Variants in DGKE observed in about 807,000 individuals in gnomAD.
The protein encoded by DGKE is diacylglycerol kinase epsilon.
A neutral mutation model predicts 70.0 loss-of-function variants in DGKE; 53 were observed. That is an observed-to-expected ratio of 0.76 (90% CI 0.61 to 0.95). The LOEUF is 0.95. Ranked by LOEUF, DGKE falls within the 40% of genes least tolerant of loss-of-function variation. The pLI, the probability that DGKE is intolerant of heterozygous loss-of-function variation, is 0.00. For missense variants in DGKE, 655 were observed against 706.9 expected (o/e 0.93, Z 0.83); for synonymous variants, 291 against 257.0 (o/e 1.13, Z -1.27).
intron 2 of DGKE, among the ~76,000 whole-genome samples, chr17:56,839,754 C>T (rs922916234): frequency 6.6e-6 from 1 of 152,160 alleles, no homozygotes; most frequent in African/African-American, 2.4e-5. Context: ...TTCCTGGGCT[C>T]AAGCAATCCT....
intron 9 of DGKE, among the ~76,000 whole-genome samples, chr17:56,860,096 T>G (rs992960490): frequency 2.0e-5 from 3 of 152,154 alleles, no homozygotes; most frequent in African/African-American, 7.2e-5. Flanking sequence ...TCTGACATTT[T>G]ATTTATATAA....
At chr17:56,845,367 T>C (rs1359302415) in intron 3 of DGKE, among the ~76,000 whole-genome samples, 1 of 152,172 alleles carries the variant, frequency 6.6e-6, no homozygotes. Context: ...TCAACTCAGT[T>C]TAAGTCCAAA....
chr17:56,862,493 T>A (rs554325705), intron 11 of DGKE, 119 bp from the exon 12 acceptor site: 87 of 984,704 alleles, frequency 8.8e-5, no homozygotes, highest in Non-Finnish European at 1.2e-4. Context: ...ATATTCAGAT[T>A]AATATTTTCT....
At chr17:56,857,437 T>A (rs893918530) in intron 8 of DGKE, among the ~76,000 whole-genome samples, 1 of 152,238 alleles carries the variant, frequency 6.6e-6, no homozygotes, top group African/African-American at 2.4e-5. Context: ...GGAATTTTTT[T>A]AATAACGTTC....
intron 4 of DGKE, 154 bp downstream of exon 4, chr17:56,845,963 T>C: frequency 1.4e-6 from 1 of 709,012 alleles, no homozygotes; most frequent in Non-Finnish European, 2.1e-6. Flanking sequence ...ACAGGCACTC[T>C]TGTGGGAATA....
At chr17:56,862,445 C>T in intron 11 of DGKE, 167 bp from the exon 12 acceptor site, 1 of 881,168 alleles carries the variant, frequency 1.1e-6, no homozygotes, top group Non-Finnish European at 1.7e-6. Flanking sequence ...ATAAAACGTT[C>T]ACTTGAAAAA....
chr17:56,853,649 A>G (rs1283246286), intron 7 of DGKE, among the ~76,000 whole-genome samples: 1 of 152,156 alleles, frequency 6.6e-6, no homozygotes, highest in Non-Finnish European at 1.5e-5. Context: ...ATCCTATTTC[A>G]TTGGTGAGTA....
chr17:56,853,572 T>TTA (rs1907773294), intron 7 of DGKE, among the ~76,000 whole-genome samples: 2 of 152,242 alleles, frequency 1.3e-5, no homozygotes, highest in Admixed American at 6.5e-5. Flanking sequence ...TTCCCTATTG[T>TTA]ATGTTCTTGG....
chr17:56,835,454 C>T, intron 2 of DGKE, 195 bp downstream of exon 2: 1 of 611,570 alleles, frequency 1.6e-6, no homozygotes, highest in Non-Finnish European at 2.8e-6. Flanking sequence ...ACGATGCATC[C>T]AGCCTCCACT....
In DGKE at chr17:56,858,829, C is replaced by G. The variant is rs1442357462; in HGVS notation, c.1284+164C>G. Among the ~76,000 whole-genome samples, 6 of 152,290 alleles carry G rather than the reference C, an allele frequency of 3.9e-5. No homozygotes were observed. In the East Asian group the frequency reaches 1.2e-3, roughly 29 times the overall value. ...GCTACATGCTTTATACACATTGTCC[C>G]TCTAAATTCTCTCCACAATTCTATA... On this transcript the variant is annotated intron_variant, in intron 9 of 11. Coordinates refer to ENST00000284061, the MANE Select transcript of DGKE (RefSeq NM_003647.3).
At position 56,848,720 on chromosome 17, in the gene DGKE, G is replaced by A; in HGVS notation, c.913G>A (p.Val305Ile). The A allele has an allele frequency of 6.2e-7, 1 of 1,614,076 alleles. No homozygotes were observed. The highest frequency in any genetic ancestry group is 8.5e-7 in the Non-Finnish European group (1 of 1,180,000). Reference protein sequence around the residue: ...IKGQEKYIPQVAVLPLGTGND... With the variant: ...IKGQEKYIPQIAVLPLGTGND... ...GGGACAAGAAAAGTACATTCCACAAGTTGCAGTTTTGCCTCTGGGAACAGG... is the reference window on the plus strand; with the variant it reads ...GGGACAAGAAAAGTACATTCCACAAATTGCAGTTTTGCCTCTGGGAACAGG... The change falls in exon 6 of 12, where the codon GTT becomes ATT. Residue 305 changes from valine (V) to isoleucine (I), a missense_variant. By Grantham distance (29) the Val-to-Ile change is conservative (BLOSUM62 3). Coordinates refer to ENST00000284061, the MANE Select transcript of DGKE (RefSeq NM_003647.3).
rs558221360 is a variant in DGKE at position 56,834,952 on chromosome 17, G to C, written c.157G>C (p.Asp53His). Residue 53 changes from aspartate (D) to histidine (H), a missense_variant, in exon 2 of 12, where the codon GAC (aspartate) becomes CAC (histidine). Physicochemically the swap from Asp to His is moderately conservative, Grantham distance 81. Coordinates refer to ENST00000284061, the MANE Select transcript of DGKE (RefSeq NM_003647.3). ...QRSRRQLHRR[D>H]IFRKSKHGWR... is the part of the protein sequence containing the mutation. ...GTCGCGCCGGCAGCTGCACCGCAGG[G>C]ACATCTTCCGCAAGAGCAAGCACGG... 3.7e-6 allele frequency: 6 copies of C among 1,613,214 alleles called. No homozygotes were observed. In the East Asian group the frequency reaches 1.3e-4, roughly 36 times the overall value.
In DGKE at chr17:56,845,829, TTTTATA is replaced by T. The variant is rs777891265; in HGVS notation, c.744+23_744+28del. On this transcript the variant is annotated intron_variant, in intron 4 of 11. Transcript: ENST00000284061. The stretch of plus-strand genomic sequence containing the variant: ...GTCCAGGTAACTAAAGAAAAAAACT[TTTTATA>T]TTAATGTTTTCATTTTCCCCAAAAT... The T allele has an allele frequency of 5.7e-6, 9 of 1,567,572 alleles. No homozygotes were observed. The Admixed American group carries it at 1.6e-4, about 28-fold the overall frequency.
chr17:56,858,482 G>A (rs1036601796), intron 8 of DGKE, 112 bp from the exon 9 acceptor site: 21 of 858,934 alleles, frequency 2.4e-5, no homozygotes, highest in African/African-American at 5.2e-5. Context: ...TCTACCATAA[G>A]GAGAATGTGT....
chr17:56,848,188 C>T (rs1907426700), intron 5 of DGKE, 123 bp downstream of exon 5: 6 of 583,086 alleles, frequency 1.0e-5, no homozygotes, highest in Admixed American at 4.9e-5. Context: ...GATACAGTCT[C>T]GCACTGTCAC....
chr17:56,857,490 TATATTCCTGG>T (rs1447392295), intron 8 of DGKE, among the ~76,000 whole-genome samples: 2 of 152,212 alleles, frequency 1.3e-5, no homozygotes, highest in Non-Finnish European at 2.9e-5. Flanking sequence ...GCCTAGCAAT[TATATTCCTGG>T]TTCTGTTTTA....
intron 2 of DGKE, among the ~76,000 whole-genome samples, chr17:56,843,814 A>AAAAAAAT (rs1567812776): frequency 7.9e-5 from 12 of 151,382 alleles, no homozygotes; most frequent in South Asian, 2.1e-4. Context: ...AAAAAAAAAA[A>AAAAAAAT]GTGCTGTTAG....
At chr17:56,855,611 G>T (rs766616497) in intron 7 of DGKE, among the ~76,000 whole-genome samples, 1 of 152,162 alleles carries the variant, frequency 6.6e-6, no homozygotes, top group African/African-American at 2.4e-5. Flanking sequence ...GCCATCCTTA[G>T]AAATAACTTT....
intron 9 of DGKE, among the ~76,000 whole-genome samples, chr17:56,860,391 T>C (rs1908221397): frequency 6.6e-6 from 1 of 152,090 alleles, no homozygotes; most frequent in African/African-American, 2.4e-5. Flanking sequence ...TAGCTGAGCA[T>C]AGTGGCATGT....
Sources: gnomAD v4.1 joint callset for allele counts (sites outside exome capture counted in the v4.1 genomes callset) on GRCh38, gnomAD v4.1.1 for gene constraint, MANE v1.5 for transcripts, NCBI Gene and HGNC (gene_info 2026-07-23, HGNC 2026-07-21) for gene names.